The following LMNB2 variants were observed in gnomAD, a reference collection of about 807,000 sequenced individuals.
LMNB2 encodes lamin-B2.
A neutral mutation model predicts 69.3 loss-of-function variants in LMNB2; 17 were observed. The observed-to-expected ratio is 0.25, with a 90% CI of 0.17 to 0.37. LMNB2 has a LOEUF of 0.37. Among genes scored for constraint, LMNB2 ranks in the 10% least tolerant of loss-of-function variants. LMNB2 has a pLI of 1.00. For missense variants in LMNB2, 789 were observed against 883.6 expected (o/e 0.89, Z 1.36); for synonymous variants, 397 against 389.3 (o/e 1.02, Z -0.23).
In LMNB2 at chr19:2,431,257, G is replaced by A. The variant is rs57770804; in HGVS notation, c.1821+291C>T. 0.063 allele frequency among the ~76,000 whole-genome samples: 9,596 copies of A among 152,242 alleles called. 450 individuals are homozygous for A. The highest frequency in any genetic ancestry group is 0.26 in the East Asian group (1,327 of 5,174). ...ACCTGTGTCTTCGACTGAGGAAGCCGGTTGACCAGAGAGCATTTGGGGAGC... is the reference window on the plus strand; with the variant it reads ...ACCTGTGTCTTCGACTGAGGAAGCCAGTTGACCAGAGAGCATTTGGGGAGC... On this transcript the variant is annotated intron_variant, in intron 11 of 11. Coordinates refer to ENST00000325327, the MANE Select transcript of LMNB2 (RefSeq NM_032737.4).
Position 2,444,456 on chromosome 19 carries a change from G to A in LMNB2, c.349C>T (p.Leu117=). The part of the protein sequence containing the change: ...LDETARERAR[L]QIEIGKLRAE... Reference sequence around the variant, plus strand: ...CTCAGCTTCCCAATCTCTATCTGCAGCCGGGCACGCTCTCGAGCCGTCTCA... The same window carrying A: ...CTCAGCTTCCCAATCTCTATCTGCAACCGGGCACGCTCTCGAGCCGTCTCA... Residue 117 remains leucine, a synonymous_variant, in exon 2 of 12, where the codon CTG becomes TTG. Coordinates refer to ENST00000325327, the MANE Select transcript of LMNB2 (RefSeq NM_032737.4). 1.2e-6 allele frequency: 2 copies of A among 1,613,718 alleles called. No homozygotes were observed. Among genetic ancestry groups the A allele is most frequent in the Non-Finnish European group, 1.7e-6 (2 of 1,180,032 alleles).
At chr19:2,455,943 A>C (rs1202963021) in intron 1 of LMNB2, among the ~76,000 whole-genome samples, 2 of 149,976 alleles carry the variant, frequency 1.3e-5, no homozygotes, top group Non-Finnish European at 1.5e-5. Flanking sequence ...AACCCCCTGG[A>C]GACCCCCAAG....
chr19:2,446,502 C>T (rs934224670), intron 1 of LMNB2, among the ~76,000 whole-genome samples: 21 of 152,250 alleles, frequency 1.4e-4, no homozygotes, highest in African/African-American at 3.9e-4. Context: ...CCTCTGCACG[C>T]GCCAGCTGGG....
chr19:2,446,579 G>A (rs1377452450), intron 1 of LMNB2, among the ~76,000 whole-genome samples: 2 of 152,210 alleles, frequency 1.3e-5, no homozygotes, highest in African/African-American at 2.4e-5. Flanking sequence ...CACTCAGTGA[G>A]TTTAAAAATA....
chr19:2,432,296 G>A, intron 9 of LMNB2, 120 bp downstream of exon 9: 1 of 839,162 alleles, frequency 1.2e-6, no homozygotes, highest in Non-Finnish European at 2.0e-6. Context: ...GCCGCTCTGA[G>A]ACGGTGCCTG....
intron 11 of LMNB2, among the ~76,000 whole-genome samples, 195 bp downstream of exon 11, chr19:2,431,353 C>T (rs1043694826): frequency 1.3e-5 from 2 of 152,166 alleles, no homozygotes; most frequent in Non-Finnish European, 1.5e-5. Flanking sequence ...CAAATTCACA[C>T]GATGGGCACG....
At chr19:2,434,660 G>A (rs1971797233) in intron 6 of LMNB2, 128 bp downstream of exon 6, 7 of 1,496,104 alleles carry the variant, frequency 4.7e-6, no homozygotes. Context: ...GGGAGGGAAG[G>A]GGCATCGCTG....
chr19:2,456,452 C>T (rs1195527924), intron 1 of LMNB2, among the ~76,000 whole-genome samples: 1 of 150,252 alleles, frequency 6.7e-6, no homozygotes, highest in Non-Finnish European at 1.5e-5. Context: ...CCGTCCCTGT[C>T]TGCACCCAGG....
rs149233372 is a variant in LMNB2 at position 2,434,359 on chromosome 19, C to T, written c.1138G>A (p.Val380Met). Residue 380 changes from valine (V) to methionine (M), a missense_variant, in exon 7 of 12, where the codon GTG becomes ATG. Around this residue, in one of 3 missense-constraint regions of LMNB2, gnomAD observed 609 missense variants for 630.9 expected, o/e 0.97. Transcript: ENST00000325327. ...ATCTCCATGTCCAGGGCCAGCTTCACGTCCAGCAGCTCCTGGTACTCGGCC... is the reference window on the plus strand; with the variant it reads ...ATCTCCATGTCCAGGGCCAGCTTCATGTCCAGCAGCTCCTGGTACTCGGCC... ...QLAEYQELLD[V>M]KLALDMEINA... is the part of the protein sequence containing the mutation. The T allele has an allele frequency of 3.7e-6, 6 of 1,613,192 alleles. No individual in the cohort carries two copies. The highest frequency in any genetic ancestry group is 3.3e-5 in the Admixed American group (2 of 60,008).
At chr19:2,436,172 A>T (rs575864419) in intron 4 of LMNB2, among the ~76,000 whole-genome samples, 24 of 152,114 alleles carry the variant, frequency 1.6e-4, no homozygotes, top group Non-Finnish European at 2.8e-4. Flanking sequence ...AATCCCAGCT[A>T]CTCAGGAGGC....
At chr19:2,431,731 C>G (rs1442494710) in intron 10 of LMNB2, 52 bp downstream of exon 10, 2 of 1,613,520 alleles carry the variant, frequency 1.2e-6, no homozygotes, top group African/African-American at 2.7e-5. Flanking sequence ...CGAGGGTGCC[C>G]AGACCCTGCC....
intron 1 of LMNB2, among the ~76,000 whole-genome samples, chr19:2,446,356 C>G (rs193119463): frequency 3.9e-5 from 6 of 151,942 alleles, no homozygotes; most frequent in African/African-American, 1.4e-4. Context: ...AAGCCCCTCC[C>G]TAAGCCCCGC....
In LMNB2 at chr19:2,447,746, G is replaced by A. The variant is rs542008600; in HGVS notation, c.265-3206C>T. Among the ~76,000 whole-genome samples the A allele has an allele frequency of 1.5e-4, 23 of 152,254 alleles. No homozygotes were observed. In the East Asian group the frequency reaches 4.4e-3, roughly 29 times the overall value. The stretch of plus-strand genomic sequence containing the variant: ...GGAGGGCCACACCCCCATGTTACAG[G>A]CGAGGCTCCTGTGCAGAGGGCTGGG... On this transcript the variant is annotated intron_variant, in intron 1 of 11. Coordinates refer to ENST00000325327, the MANE Select transcript of LMNB2 (RefSeq NM_032737.4). This position sits in a 1 kb window ranked among gnomAD's most constrained non-coding sequence, Gnocchi z 4.4.
At chr19:2,432,344 G>GT in intron 9 of LMNB2, 72 bp downstream of exon 9, 1 of 915,328 alleles carries the variant, frequency 1.1e-6, no homozygotes, top group Non-Finnish European at 1.6e-6. Context: ...GCCAAGTCCT[G>GT]TGCCTCCAGT....
Position 2,431,635 on chromosome 19 carries a change from C to T in LMNB2, c.1734G>A (p.Lys578=). ...CATTCTCACGCATCACCGAGGACTT[C>T]TTCACAGTCCTCATGGCCACTTCCT... The part of the protein sequence containing the change: ...DGEEVAMRTV[K]KSSVMRENEN... The change falls in exon 11 of 12, where the codon AAG becomes AAA. Residue 578 remains lysine, a synonymous_variant. Transcript: ENST00000325327. The T allele has an allele frequency of 6.2e-7, 1 of 1,614,162 alleles. No individual in the cohort carries two copies. Among genetic ancestry groups the T allele is most frequent in the South Asian group, 1.1e-5 (1 of 91,088 alleles).
At position 2,428,785 on chromosome 19, in the gene LMNB2, A is replaced by G. The variant is rs1405594561; in HGVS notation, c.*2126T>C. On this transcript the variant is annotated 3_prime_UTR_variant, in exon 12 of 12. Transcript: ENST00000325327. ...CCCAGGCCATAAATAACTTTTAAAA[A>G]TTTGATTTTCTTAGTGTTTCCAAAG... 6.6e-6 allele frequency: 1 copy of G among 152,238 alleles called. No homozygotes were observed. The highest frequency in any genetic ancestry group is 1.5e-5 in the Non-Finnish European group (1 of 68,048). The allele number at this position is 152,238 out of a possible 1,614,324, so 9.4% of individuals were successfully genotyped here. A position where few individuals can be genotyped will look rare whatever the true frequency, so the allele number is the denominator to read the frequency against.
In LMNB2 at chr19:2,431,895, G is replaced by T; in HGVS notation, c.1598C>A (p.Ala533Glu). The T allele has an allele frequency of 1.2e-6, 2 of 1,611,152 alleles. No homozygotes were observed. Among genetic ancestry groups the T allele is most frequent in the Non-Finnish European group, 1.7e-6 (2 of 1,179,798 alleles). ...GCTGTGGGCCACCCCCGCACCAGCT[G>T]CCCACACCTGAGGACCCAATAACAA... is the stretch of plus-strand genomic sequence containing the variant. ...LRAGQMVTVW[A>E]AGAGVAHSPP... Residue 533 changes from alanine (A) to glutamate (E), a missense_variant, in exon 10 of 12, where the codon GCA (alanine) becomes GAA (glutamate). Physicochemically the swap from Ala to Glu is moderately radical, Grantham distance 107. Around this residue, in one of 3 missense-constraint regions of LMNB2, gnomAD observed 609 missense variants for 630.9 expected, o/e 0.97. Transcript: ENST00000325327.
chr19:2,444,797 C>A (rs1478635538), intron 1 of LMNB2, among the ~76,000 whole-genome samples: 1 of 152,236 alleles, frequency 6.6e-6, no homozygotes, highest in Admixed American at 6.5e-5. Flanking sequence ...GGAGCCTCCT[C>A]CTCTGCTGCG....
At position 2,447,276 on chromosome 19, in the gene LMNB2, G is replaced by A. The variant is rs1971967364; in HGVS notation, c.265-2736C>T. Among the ~76,000 whole-genome samples, 1 of 152,210 alleles carries A rather than the reference G, an allele frequency of 6.6e-6. No homozygotes were observed. Among genetic ancestry groups the A allele is most frequent in the Admixed American group, 6.5e-5 (1 of 15,280 alleles). On this transcript the variant is annotated intron_variant, in intron 1 of 11. Transcript: ENST00000325327. This position sits in a 1 kb window ranked among gnomAD's most constrained non-coding sequence, Gnocchi z 4.4. Reference sequence around the variant, plus strand: ...CGGAGCAAGGTTCTGACACCACAGTGTGGATGCCCCTTGAGGATGTCACAC... The same window carrying A: ...CGGAGCAAGGTTCTGACACCACAGTATGGATGCCCCTTGAGGATGTCACAC...
Sources: gnomAD v4.1 joint callset for allele counts (sites outside exome capture counted in the v4.1 genomes callset) on GRCh38, gnomAD v4.1.1 for gene constraint, gnomAD v4.1.1 regional missense constraint, Gnocchi (gnomAD v3.1) non-coding constraint, MANE v1.5 for transcripts, NCBI Gene and HGNC (gene_info 2026-07-23, HGNC 2026-07-21) for gene names.